IGF2BP3: variants seen among roughly 807,000 people sequenced by gnomAD.
The protein encoded by IGF2BP3 is insulin-like growth factor 2 mRNA-binding protein 3.
A neutral mutation model predicts 73.8 loss-of-function variants in IGF2BP3; 9 were observed. The ratio of observed to expected loss-of-function variants is 0.12; its 90% CI spans 0.07 to 0.21. The LOEUF is 0.21. IGF2BP3 is among the 10% of genes least tolerant of loss of function. IGF2BP3 has a pLI of 1.00. For missense variants in IGF2BP3, 542 were observed against 714.0 expected (o/e 0.76, Z 2.75); for synonymous variants, 258 against 256.7 (o/e 1.01, Z -0.05).
intron 10 of IGF2BP3, among the ~76,000 whole-genome samples, chr7:23,321,200 G>C (rs1027246665): frequency 6.6e-6 from 1 of 152,206 alleles, no homozygotes; most frequent in African/African-American, 2.4e-5. Flanking sequence ...AGTGGGCGCA[G>C]GTCAGTGGGT....
chr7:23,413,251 T>A (rs1787085508), intron 3 of IGF2BP3: 1 of 151,778 alleles, frequency 6.6e-6, no homozygotes, highest in South Asian at 2.1e-4. Context: ...GAGGCTGAGA[T>A]GTACAGATCA....
chr7:23,468,564 G>A (rs779010221), intron 1 of IGF2BP3, 22 bp from the exon 2 acceptor site: 6 of 1,613,768 alleles, frequency 3.7e-6, no homozygotes, highest in Non-Finnish European at 5.1e-6. Flanking sequence ...CAAGAAGTGA[G>A]ACGGTCGGCC....
intron 3 of IGF2BP3, among the ~76,000 whole-genome samples, chr7:23,407,971 G>T (rs1584005208): frequency 2.6e-5 from 3 of 114,262 alleles, no homozygotes; most frequent in South Asian, 3.2e-4. Context: ...GGGGGGGGGG[G>T]GAGTCAATGT....
At chr7:23,417,915 A>T (rs1363859965) in intron 3 of IGF2BP3, among the ~76,000 whole-genome samples, 1 of 152,214 alleles carries the variant, frequency 6.6e-6, no homozygotes, top group Non-Finnish European at 1.5e-5. Flanking sequence ...TCTCAATAAT[A>T]CTGTTCTGAA....
intron 10 of IGF2BP3, among the ~76,000 whole-genome samples, chr7:23,327,072 A>AAATT (rs1298008157): frequency 1.4e-3 from 206 of 148,608 alleles, no homozygotes; most frequent in Non-Finnish European, 2.0e-3. Flanking sequence ...TATAATAAAT[A>AAATT]AATTAATTAA....
chr7:23,463,940 G>A (rs771823187), intron 2 of IGF2BP3, among the ~76,000 whole-genome samples: 1 of 152,270 alleles, frequency 6.6e-6, no homozygotes, highest in East Asian at 1.9e-4. Context: ...TATTTAACCA[G>A]CCAAGAAAGT....
At chr7:23,327,100 A>G (rs1042047062) in intron 10 of IGF2BP3, among the ~76,000 whole-genome samples, 1 of 151,876 alleles carries the variant, frequency 6.6e-6, no homozygotes, top group African/African-American at 2.4e-5. Flanking sequence ...ATTAAAAAAG[A>G]AGATATTTTG....
chr7:23,381,229 A>G (rs1032887521), intron 3 of IGF2BP3, among the ~76,000 whole-genome samples: 2 of 152,226 alleles, frequency 1.3e-5, no homozygotes, highest in African/African-American at 4.8e-5. Flanking sequence ...CATCTGAACA[A>G]TCTTCAAAGG....
intron 10 of IGF2BP3, among the ~76,000 whole-genome samples, chr7:23,327,804 T>C (rs748845648): frequency 2.6e-5 from 4 of 152,002 alleles, no homozygotes; most frequent in African/African-American, 4.8e-5. Flanking sequence ...AGATCACTAG[T>C]GGCACTAATG....
At chr7:23,325,411 T>G (rs544485784) in intron 10 of IGF2BP3, among the ~76,000 whole-genome samples, 51 of 152,054 alleles carry the variant, frequency 3.4e-4, no homozygotes, top group Non-Finnish European at 4.9e-4. Flanking sequence ...CACTGCTCAA[T>G]GAAATAAAAG....
chr7:23,421,136 C>T (rs1051766545), intron 2 of IGF2BP3, among the ~76,000 whole-genome samples: 4 of 151,996 alleles, frequency 2.6e-5, no homozygotes, highest in Admixed American at 1.3e-4. Context: ...CAGCCTCCTG[C>T]GTAGCTGGGA....
At chr7:23,384,109 A>C (rs1377751900) in intron 3 of IGF2BP3, among the ~76,000 whole-genome samples, 1 of 151,582 alleles carries the variant, frequency 6.6e-6, no homozygotes, top group Non-Finnish European at 1.5e-5. Context: ...AAAAAAAAAA[A>C]AAAAAAAGAA....
Position 23,333,942 on chromosome 7 carries a change from T to C in IGF2BP3, c.1203+8122A>G, listed in dbSNP as rs78602682. ...ACCAAAGATTACTTTTCAAGAAAAT[T>C]TTCCTCTGGGAATGTAAGGCAGCTC... is the stretch of plus-strand genomic sequence containing the variant. On this transcript the variant is annotated intron_variant, in intron 10 of 14. Transcript: ENST00000258729. Among the ~76,000 whole-genome samples the C allele has an allele frequency of 9.0e-3, 1,371 of 152,304 alleles. 20 individuals are homozygous for C. Among genetic ancestry groups the C allele is most frequent in the African/African-American group, 0.031 (1,288 of 41,550 alleles).
chr7:23,315,275 T>G (rs1783954114), intron 12 of IGF2BP3, among the ~76,000 whole-genome samples: 1 of 151,942 alleles, frequency 6.6e-6, no homozygotes, highest in South Asian at 2.1e-4. Context: ...GCCTGGCTAA[T>G]TTTTGTATTT....
chr7:23,468,086 C>T (rs1788610956), intron 2 of IGF2BP3, among the ~76,000 whole-genome samples: 1 of 152,220 alleles, frequency 6.6e-6, no homozygotes, highest in Admixed American at 6.5e-5. Flanking sequence ...CCCCGCGTGT[C>T]CGCAGCTGCT....
intron 3 of IGF2BP3, among the ~76,000 whole-genome samples, chr7:23,374,394 G>A (rs573248412): frequency 8.5e-5 from 13 of 152,174 alleles, no homozygotes; most frequent in Non-Finnish European, 1.8e-4. Flanking sequence ...GCTGGGCATG[G>A]TGGCTCAAAT....
intron 3 of IGF2BP3, among the ~76,000 whole-genome samples, chr7:23,391,122 CAG>C (rs1457834777): frequency 9.2e-6 from 1 of 108,578 alleles, no homozygotes; most frequent in Non-Finnish European, 1.8e-5. Context: ...TTTTTTAAGA[CAG>C]ATTCTTACTC....
chr7:23,343,439 G>A (rs1165059359), intron 9 of IGF2BP3, among the ~76,000 whole-genome samples: 1 of 152,106 alleles, frequency 6.6e-6, no homozygotes, highest in Non-Finnish European at 1.5e-5. Flanking sequence ...TGTAAGAGAG[G>A]TACTATATTA....
rs1357687151 is a variant in IGF2BP3 at position 23,341,704 on chromosome 7, T to C, written c.1203+360A>G. ...TTAAATAACCACCATGGCACATGTA[T>C]ACCTATGTAACAAACCTGCACATTC... is the stretch of plus-strand genomic sequence containing the variant. On this transcript the variant is annotated intron_variant, in intron 10 of 14. Coordinates refer to ENST00000258729, the MANE Select transcript of IGF2BP3 (RefSeq NM_006547.3). Among the ~76,000 whole-genome samples the C allele has an allele frequency of 1.5e-4, 22 of 151,558 alleles. 1 individual carries two copies. The highest frequency in any genetic ancestry group is 1.4e-3 in the Admixed American group (22 of 15,208).
Sources: gnomAD v4.1 joint callset for allele counts (sites outside exome capture counted in the v4.1 genomes callset) on GRCh38, gnomAD v4.1.1 for gene constraint, MANE v1.5 for transcripts, NCBI Gene and HGNC (gene_info 2026-07-23, HGNC 2026-07-21) for gene names.